LRRCC1: variants seen among roughly 807,000 people sequenced by gnomAD.
The protein encoded by LRRCC1 is leucine rich repeat and coiled-coil centrosomal protein 1.
Under a neutral mutation model 126.0 loss-of-function variants are expected in LRRCC1, and 115 were observed. That is an observed-to-expected ratio of 0.91 (90% confidence interval 0.78 to 1.07). The LOEUF (loss-of-function observed/expected upper bound fraction) is 1.07. LRRCC1 is among the 50% of genes least tolerant of loss of function. The pLI, the probability that LRRCC1 is intolerant of heterozygous loss-of-function variation, is 0.00. For missense variants in LRRCC1, 1,172 were observed against 1,175.7 expected, an observed-to-expected ratio of 1.00 and a Z score of 0.05; for synonymous variants, 400 against 393.4, an observed-to-expected ratio of 1.02 and a Z score of -0.20.
intron 4 of LRRCC1, among the ~76,000 whole-genome samples, chr8:85,113,515 G>T (rs986920236): frequency 6.6e-6 from 1 of 152,014 alleles, no homozygotes; most frequent in Non-Finnish European, 1.5e-5. Flanking sequence ...TGTGAAAAGG[G>T]TAACACACAT....
intron 3 of LRRCC1, among the ~76,000 whole-genome samples, chr8:85,112,204 A>C (rs755509555): frequency 3.3e-5 from 5 of 152,222 alleles, no homozygotes; most frequent in Non-Finnish European, 7.3e-5. Flanking sequence ...AATGATAAAC[A>C]TAACACTTAA....
chr8:85,131,006 A>G (rs1308924022), intron 11 of LRRCC1, among the ~76,000 whole-genome samples: 1 of 152,186 alleles, frequency 6.6e-6, no homozygotes, highest in Non-Finnish European at 1.5e-5. Context: ...TCAGTTATCT[A>G]TTTACTATCC....
chr8:85,122,354 C>G (rs1015852482), intron 6 of LRRCC1, among the ~76,000 whole-genome samples: 1 of 152,158 alleles, frequency 6.6e-6, no homozygotes, highest in African/African-American at 2.4e-5. Flanking sequence ...TCTCTCTTCT[C>G]TTTTTCAGAT....
intron 17 of LRRCC1, among the ~76,000 whole-genome samples, chr8:85,140,751 A>C (rs1386452244): frequency 6.6e-6 from 1 of 152,202 alleles, no homozygotes; most frequent in Non-Finnish European, 1.5e-5. Flanking sequence ...AGTAGTCATC[A>C]TCTGTGAAGG....
intron 14 of LRRCC1, among the ~76,000 whole-genome samples, chr8:85,136,837 T>C (rs574499983): frequency 4.6e-5 from 7 of 152,184 alleles, no homozygotes; most frequent in Non-Finnish European, 1.0e-4. Context: ...ATTTGGTCTT[T>C]TTCTTTTGAG....
chr8:85,138,268 A>G (rs1229474341), intron 16 of LRRCC1, 25 bp downstream of exon 16: 1 of 1,579,574 alleles, frequency 6.3e-7, no homozygotes, highest in Non-Finnish European at 8.6e-7. Flanking sequence ...AGTATTTCCC[A>G]CTGAGAAATA....
At chr8:85,120,312 G>T (rs555866021) in intron 6 of LRRCC1, among the ~76,000 whole-genome samples, 1 of 151,956 alleles carries the variant, frequency 6.6e-6, no homozygotes, top group Non-Finnish European at 1.5e-5. Flanking sequence ...TTGTAGAGGT[G>T]GGGGGGTTGA....
intron 11 of LRRCC1, 122 bp downstream of exon 11, chr8:85,130,180 G>A: frequency 1.5e-6 from 1 of 676,530 alleles, no homozygotes; most frequent in Non-Finnish European, 2.2e-6. Context: ...CTGTCGTCCA[G>A]GCTGGAGTGC....
Position 85,126,737 on chromosome 8 carries a change from G to C in LRRCC1, c.1321G>C (p.Glu441Gln). ...AGAGAGAGAGAAGAGATGGAGAGCT[G>C]AGCAAGCCGAAAATAAACTCATGGA... ...DQEREKRWRA[E>Q]QAENKLMDYI... The change falls in exon 9 of 19, where the codon GAG becomes CAG. Residue 441 changes from glutamate (E) to glutamine (Q), a missense_variant. Coordinates refer to ENST00000360375, the MANE Select transcript of LRRCC1 (RefSeq NM_033402.5). 2 of 1,612,894 alleles carry C rather than the reference G, an allele frequency of 1.2e-6. No homozygotes were observed. Among genetic ancestry groups the C allele is most frequent in the Non-Finnish European group, 1.7e-6 (2 of 1,179,900 alleles).
chr8:85,118,104 G>T (rs1474170402), intron 6 of LRRCC1, among the ~76,000 whole-genome samples: 1 of 151,924 alleles, frequency 6.6e-6, no homozygotes, highest in Non-Finnish European at 1.5e-5. Context: ...ATTTGTTTTA[G>T]AACCTAATAT....
intron 6 of LRRCC1, 23 bp from the exon 7 acceptor site, chr8:85,123,390 T>A: frequency 6.6e-7 from 1 of 1,519,622 alleles, no homozygotes; most frequent in Non-Finnish European, 8.9e-7. Flanking sequence ...TTTAACAAAT[T>A]TTGTTGGCTT....
rs188059552 is a variant in LRRCC1 at position 85,111,687 on chromosome 8, C to T, written c.377-1245C>T. ...GAATATATATAAATGGCAAATAAAC[C>T]ATGAAAAAAAATTGGTTGGAATCCT... On this transcript the variant is annotated intron_variant, in intron 3 of 18. Coordinates refer to ENST00000360375, the MANE Select transcript of LRRCC1 (RefSeq NM_033402.5). Among the ~76,000 whole-genome samples the T allele has an allele frequency of 1.3e-3, 204 of 151,578 alleles. 2 individuals carry two copies. Among genetic ancestry groups the T allele is most frequent in the Non-Finnish European group, 2.2e-3 (149 of 67,862 alleles).
Position 85,141,477 on chromosome 8 carries a change from C to G in LRRCC1, c.2936C>G (p.Ala979Gly), listed in dbSNP as rs1450180913. ...EAHQAEIAQL[A>G]NEKQKCIDSA... is the part of the protein sequence containing the mutation. ...CATCAAGCTGAAATAGCACAGCTGG[C>G]CAATGAAAAGCAGAAGTGTATTGAT... The change falls in exon 18 of 19, where the codon GCC (alanine) becomes GGC (glycine). Residue 979 changes from alanine (A) to glycine (G), a missense_variant. Coordinates refer to ENST00000360375, the MANE Select transcript of LRRCC1 (RefSeq NM_033402.5). 6 of 1,612,308 alleles carry G rather than the reference C, an allele frequency of 3.7e-6. No homozygotes were observed. The highest frequency in any genetic ancestry group is 5.1e-6 in the Non-Finnish European group (6 of 1,179,160).
intron 12 of LRRCC1, among the ~76,000 whole-genome samples, chr8:85,133,164 A>C (rs890256035): frequency 1.3e-5 from 2 of 152,200 alleles, no homozygotes; most frequent in Non-Finnish European, 2.9e-5. Context: ...AGCCACCAGC[A>C]ATATCCACAC....
chr8:85,135,548 T>C (rs1452722325), intron 13 of LRRCC1, among the ~76,000 whole-genome samples: 1 of 152,168 alleles, frequency 6.6e-6, no homozygotes, highest in Non-Finnish European at 1.5e-5. Flanking sequence ...ATTACAGGTA[T>C]AGTTTCTCTT....
intron 15 of LRRCC1, among the ~76,000 whole-genome samples, 165 bp downstream of exon 15, chr8:85,137,792 T>C (rs1563956765): frequency 6.6e-6 from 1 of 152,174 alleles, no homozygotes; most frequent in Admixed American, 6.5e-5. Context: ...TCTTAAAAAG[T>C]TCTACATGAT....
rs745680221 is a variant in LRRCC1 at position 85,134,892 on chromosome 8, A to G, written c.2014A>G (p.Lys672Glu). 9 of 1,592,008 alleles carry G rather than the reference A, an allele frequency of 5.7e-6. No homozygotes were observed. In the East Asian group the frequency reaches 1.6e-4, roughly 28 times the overall value. ...TGTTGCAACTGAGTTAGCAAAGAGC[A>G]AACATGCTCTTATTTGGGCTCAACG... ...ENVATELAKS[K>E]HALIWAQRKE... The change falls in exon 13 of 19, where the codon AAA becomes GAA. Residue 672 changes from lysine (K) to glutamate (E), a missense_variant. Coordinates refer to ENST00000360375, the MANE Select transcript of LRRCC1 (RefSeq NM_033402.5).
At chr8:85,137,370 T>TA in intron 14 of LRRCC1, 94 bp from the exon 15 acceptor site, 1 of 727,858 alleles carries the variant, frequency 1.4e-6, no homozygotes, top group East Asian at 3.5e-5. Context: ...ATTTAGTTTT[T>TA]TTATTATTAT....
intron 18 of LRRCC1, among the ~76,000 whole-genome samples, chr8:85,144,793 A>G (rs72682904): frequency 0.76 from 103,357 of 136,794 alleles, 39,661 homozygotes; most frequent in African/African-American, 0.86. Context: ...TGTCTTGGCC[A>G]GGCGTAGTGG....
Sources: allele counts gnomAD v4.1 joint callset (sites outside exome capture counted in the v4.1 genomes callset), GRCh38; gene constraint gnomAD v4.1.1; transcripts MANE v1.5; gene names NCBI Gene and HGNC (gene_info 2026-07-23, HGNC 2026-07-21).